PRKRIP1: variants seen among roughly 807,000 people sequenced by gnomAD.
The protein encoded by PRKRIP1 is PRKR interacting protein 1.
PRKRIP1 carries 29 observed loss-of-function variants against 29.3 expected under a neutral mutation model. The ratio of observed to expected loss-of-function variants is 0.99; its 90% CI spans 0.74 to 1.35. PRKRIP1 has a LOEUF of 1.35. PRKRIP1 is among the 40% of genes most tolerant of loss of function. The probability of loss-of-function intolerance (pLI) is 0.00; values close to 1 mark genes in which losing one functional copy is unlikely to be tolerated. For synonymous variants in PRKRIP1, 90 were observed against 85.1 expected (o/e 1.06, Z -0.32); for missense variants, 247 against 236.8 (o/e 1.04, Z -0.28).
intron 5 of PRKRIP1, among the ~76,000 whole-genome samples, chr7:102,415,862 T>C (rs73402391): frequency 0.01 from 1,589 of 152,374 alleles, 30 homozygotes; most frequent in African/African-American, 0.035. Flanking sequence ...CCAGTGTTCC[T>C]GGCCCTCACG....
Position 102,401,902 on chromosome 7 carries a change from G to GA in PRKRIP1, c.306+2260dup, listed in dbSNP as rs1226308475. Among the ~76,000 whole-genome samples the GA allele has an allele frequency of 3.3e-5, 5 of 152,226 alleles. No homozygotes were observed. In the East Asian group the frequency reaches 9.6e-4, roughly 29 times the overall value. On this transcript the variant is annotated intron_variant, in intron 3 of 5. Transcript: ENST00000397912. The stretch of plus-strand genomic sequence containing the variant: ...TGGGCGACAGAGTGAGACTCCTTCT[G>GA]AAAAAAGAAGAAGAAAAAATGTCCT...
intron 5 of PRKRIP1, among the ~76,000 whole-genome samples, chr7:102,421,142 T>A: frequency 6.6e-6 from 1 of 152,234 alleles, no homozygotes; most frequent in Admixed American, 6.5e-5. Flanking sequence ...GAAGCATTTG[T>A]GTTTTTCTGT....
At chr7:102,411,566 G>A (rs1796383489) in intron 5 of PRKRIP1, among the ~76,000 whole-genome samples, 1 of 151,858 alleles carries the variant, frequency 6.6e-6, no homozygotes, top group Non-Finnish European at 1.5e-5. Flanking sequence ...TATATTTTTA[G>A]TAGGGATGGG....
intron 5 of PRKRIP1, among the ~76,000 whole-genome samples, chr7:102,420,133 G>A (rs1554573592): frequency 6.6e-6 from 1 of 152,194 alleles, no homozygotes; most frequent in East Asian, 1.9e-4. Flanking sequence ...TGATCTGCCC[G>A]CCTTGGCCTC....
At chr7:102,400,176 G>T (rs1297480329) in intron 3 of PRKRIP1, among the ~76,000 whole-genome samples, 1 of 151,892 alleles carries the variant, frequency 6.6e-6, no homozygotes, top group Non-Finnish European at 1.5e-5. Flanking sequence ...TGGGCGTGGT[G>T]GTGGGCAACT....
chr7:102,416,912 G>C (rs1554573186), intron 5 of PRKRIP1, among the ~76,000 whole-genome samples: 1 of 151,900 alleles, frequency 6.6e-6, no homozygotes, highest in Non-Finnish European at 1.5e-5. Context: ...CTGGAGTGTG[G>C]TGGCGCGATC....
Position 102,404,679 on chromosome 7 carries a change from A to C in PRKRIP1, c.388A>C (p.Lys130Gln), listed in dbSNP as rs200578250. 2.5e-6 allele frequency: 4 copies of C among 1,613,114 alleles called. No homozygotes were observed. The highest frequency in any genetic ancestry group is 3.4e-6 in the Non-Finnish European group (4 of 1,179,530). ...GGAGCAGACCGCAAAGCGCCGGAAG[A>C]AGCGGTAAGCGGCATGGCCTAACTG... ...AEEQTAKRRK[K>Q]RQKLKEKKLL... The change falls in exon 4 of 6, where the codon AAG becomes CAG. Residue 130 changes from lysine (K) to glutamine (Q), a missense_variant. Around this residue, in one of 3 missense-constraint regions of PRKRIP1, gnomAD observed 134 missense variants for 126.6 expected, o/e 1.06. Transcript: ENST00000397912.
At chr7:102,419,329 A>T (rs1796632087) in intron 5 of PRKRIP1, among the ~76,000 whole-genome samples, 1 of 151,938 alleles carries the variant, frequency 6.6e-6, no homozygotes, top group African/African-American at 2.4e-5. Flanking sequence ...CAGGAAAATC[A>T]CTTGAACCCT....
At chr7:102,404,769 T>G in intron 4 of PRKRIP1, 86 bp downstream of exon 4, 1 of 966,374 alleles carries the variant, frequency 1.0e-6, no homozygotes. Flanking sequence ...TAGTAGTTCC[T>G]CTGCATGACC....
At chr7:102,420,156 G>C (rs1209305193) in intron 5 of PRKRIP1, among the ~76,000 whole-genome samples, 2 of 152,136 alleles carry the variant, frequency 1.3e-5, no homozygotes, top group African/African-American at 4.8e-5. Flanking sequence ...AAAGTGCTGG[G>C]ATTACAGGCA....
chr7:102,418,352 T>C (rs531863901), intron 5 of PRKRIP1, among the ~76,000 whole-genome samples: 1 of 152,232 alleles, frequency 6.6e-6, no homozygotes, highest in African/African-American at 2.4e-5. Flanking sequence ...GCCTGGTCCC[T>C]GGCTGCTTTT....
chr7:102,422,415 A>C (rs782460154), intron 5 of PRKRIP1, among the ~76,000 whole-genome samples: 1 of 149,098 alleles, frequency 6.7e-6, no homozygotes, highest in Non-Finnish European at 1.5e-5. Flanking sequence ...GCTTGCTGCA[A>C]CCTCCATCCA....
chr7:102,407,477 C>A lies in PRKRIP1; in HGVS notation c.436C>A (p.Leu146Ile), dbSNP rs782372299. 3.1e-6 allele frequency: 5 copies of A among 1,612,874 alleles called. No individual in the cohort carries two copies. The highest frequency in any genetic ancestry group is 4.2e-6 in the Non-Finnish European group (5 of 1,179,024). The change falls in exon 5 of 6, where the codon CTT (leucine) becomes ATT (isoleucine). Residue 146 changes from leucine (L) to isoleucine (I), a missense_variant. By Grantham distance (5) the Leu-to-Ile change is conservative. Around this residue, in one of 3 missense-constraint regions of PRKRIP1, gnomAD observed 134 missense variants for 126.6 expected, o/e 1.06. Coordinates refer to ENST00000397912, the MANE Select transcript of PRKRIP1 (RefSeq NM_024653.4). ...GAAATTACTGGCAAAGAAGATGAAA[C>A]TTGAACAGAAGAAACAAGAAGGTGA... ...EKKLLAKKMK[L>I]EQKKQEGPGQ... is the part of the protein sequence containing the mutation.
intron 5 of PRKRIP1, among the ~76,000 whole-genome samples, chr7:102,419,843 TTTTGTGTG>T (rs1454678027): frequency 3.1e-4 from 41 of 133,658 alleles, no homozygotes; most frequent in East Asian, 8.8e-4. Context: ...TTTTTTGTGT[TTTTGTGTG>T]TGTGTGTGTG....
At chr7:102,407,405 A>G in intron 4 of PRKRIP1, 29 bp from the exon 5 acceptor site, 1 of 1,407,198 alleles carries the variant, frequency 7.1e-7, no homozygotes, top group Non-Finnish European at 1.0e-6. Context: ...GTAGTTAAGG[A>G]ATCAATGTAT....
At chr7:102,414,857 G>T (rs1213637331) in intron 5 of PRKRIP1, among the ~76,000 whole-genome samples, 5 of 151,966 alleles carry the variant, frequency 3.3e-5, no homozygotes, top group Non-Finnish European at 5.9e-5. Flanking sequence ...CTGCACTCTA[G>T]CCTGGGTGAC....
intron 1 of PRKRIP1, among the ~76,000 whole-genome samples, chr7:102,396,890 A>G (rs1475248668): frequency 6.6e-6 from 1 of 152,176 alleles, no homozygotes; most frequent in Admixed American, 6.6e-5. Context: ...ATCGTTAGAG[A>G]GACAGTGGCC....
intron 5 of PRKRIP1, among the ~76,000 whole-genome samples, chr7:102,410,838 T>C (rs1554572464): frequency 6.6e-6 from 1 of 152,134 alleles, no homozygotes; most frequent in African/African-American, 2.4e-5. Context: ...ACGTCAAATG[T>C]TTGGGTTATG....
intron 1 of PRKRIP1, 152 bp downstream of exon 1, chr7:102,396,689 A>G (rs531445769): frequency 6.7e-5 from 52 of 778,752 alleles, no homozygotes; most frequent in South Asian, 5.9e-4. Context: ...GGAGGAGGAG[A>G]AGGAGGCTGT....
Sources: allele counts gnomAD v4.1 joint callset (sites outside exome capture counted in the v4.1 genomes callset), GRCh38; gene constraint gnomAD v4.1.1; regional missense constraint gnomAD v4.1.1; transcripts MANE v1.5; gene names NCBI Gene and HGNC (gene_info 2026-07-23, HGNC 2026-07-21).